The following DIAPH2 variants were observed in gnomAD, a reference collection of about 807,000 sequenced individuals.
DIAPH2 encodes diaphanous related formin 2.
Under a neutral mutation model 92.7 loss-of-function variants are expected in DIAPH2, and 35 were observed. The observed-to-expected ratio is 0.38, with a 90% CI of 0.29 to 0.50. The LOEUF (loss-of-function observed/expected upper bound fraction) is 0.50, where lower values mean the gene tolerates loss of function less well. Ranked by LOEUF, DIAPH2 falls within the 20% of genes least tolerant of loss-of-function variation. DIAPH2 has a pLI of 0.94. For missense variants in DIAPH2, 701 were observed against 819.5 expected, an observed-to-expected ratio of 0.86 and a Z score of 1.77; for synonymous variants, 301 against 280.4, an observed-to-expected ratio of 1.07 and a Z score of -0.73.
intron 26 of DIAPH2, among the ~76,000 whole-genome samples, chrX:97,524,871 C>G (rs2147847464): frequency 8.9e-6 from 1 of 112,344 alleles, no homozygotes; most frequent in African/African-American, 3.2e-5. Context: ...CAAATCATTT[C>G]TAACTCCGTA....
chrX:97,360,022 C>T (rs2069309296), intron 24 of DIAPH2, among the ~76,000 whole-genome samples: 1 of 111,627 alleles, frequency 9.0e-6, no homozygotes, highest in African/African-American at 3.3e-5. Flanking sequence ...ACATAGTATT[C>T]CTGAAAAGCT....
At chrX:97,396,510 A>G (rs1238875884) in intron 25 of DIAPH2, among the ~76,000 whole-genome samples, 1 of 110,739 alleles carries the variant, frequency 9.0e-6, no homozygotes, top group African/African-American at 3.3e-5. Flanking sequence ...CGTCTCTACT[A>G]AAACTACAAA....
rs768381361 is a variant in DIAPH2, at chrX:96,749,953, G to T, written c.343-8201G>T. ...TCTGTGTGGCTTTTCCAGTAAAGTA[G>T]GTTTGAAAAGGAGTTACTTTCTTAC... On this transcript the variant is annotated intron_variant, in intron 3 of 26. Transcript: ENST00000324765. 3.6e-5 allele frequency among the ~76,000 whole-genome samples: 4 copies of T among 110,737 alleles called. No homozygotes were observed. In the South Asian group the frequency reaches 1.5e-3, roughly 42 times the overall value.
At chrX:96,894,686 T>C (rs1362178745) in intron 5 of DIAPH2, among the ~76,000 whole-genome samples, 2 of 111,732 alleles carry the variant, frequency 1.8e-5, no homozygotes, top group East Asian at 5.7e-4. Flanking sequence ...ATGTGCTTGA[T>C]GAGCAATGAT....
intron 17 of DIAPH2, among the ~76,000 whole-genome samples, chrX:97,063,751 G>C (rs1327173276): frequency 8.9e-6 from 1 of 112,044 alleles, no homozygotes; most frequent in Non-Finnish European, 1.9e-5. Flanking sequence ...TTGCAAAAGT[G>C]GAAGCAAGTA....
intron 1 of DIAPH2, among the ~76,000 whole-genome samples, chrX:96,698,895 ATTT>A (rs1305987976): frequency 2.0e-5 from 2 of 99,053 alleles, no homozygotes; most frequent in Non-Finnish European, 4.1e-5. Flanking sequence ...GCCCCACTAA[ATTT>A]TTTTTTTTTT....
In DIAPH2 at chrX:97,093,972, T is replaced by C. The variant is rs2066846863; in HGVS notation, c.2248-5722T>C. On this transcript the variant is annotated intron_variant, in intron 19 of 26. Transcript: ENST00000324765. ...GGTTGAACCTGAAAGAGATTTTTTT[T>C]AGGAAAAATTGTCAGAAGTGTGACT... 2.7e-5 allele frequency among the ~76,000 whole-genome samples: 3 copies of C among 112,045 alleles called. No individual in the cohort carries two copies. The Admixed American group carries it at 2.8e-4, about 11-fold the overall frequency.
intron 4 of DIAPH2, among the ~76,000 whole-genome samples, chrX:96,831,783 G>T (rs1569408053): frequency 1.8e-5 from 2 of 111,861 alleles, no homozygotes; most frequent in Non-Finnish European, 3.8e-5. Context: ...AAACAACAGA[G>T]ACTCATTTCT....
At chrX:97,255,287 A>T (rs2068227953) in intron 23 of DIAPH2, among the ~76,000 whole-genome samples, 1 of 111,765 alleles carries the variant, frequency 8.9e-6, no homozygotes, top group South Asian at 3.7e-4. Flanking sequence ...AAGGATTGTA[A>T]ACTGATTTAA....
At chrX:97,153,165 A>G (rs1459793185) in intron 22 of DIAPH2, among the ~76,000 whole-genome samples, 1 of 112,136 alleles carries the variant, frequency 8.9e-6, no homozygotes, top group Non-Finnish European at 1.9e-5. Context: ...GTAAAATTAG[A>G]TATGCAATAT....
At chrX:97,161,067 T>TC (rs2067368301) in intron 22 of DIAPH2, among the ~76,000 whole-genome samples, 1 of 104,017 alleles carries the variant, frequency 9.6e-6, no homozygotes, top group Admixed American at 1.0e-4. Flanking sequence ...TTTTTTTTTT[T>TC]CCTCCCTAGG....
intron 4 of DIAPH2, among the ~76,000 whole-genome samples, chrX:96,796,432 G>A (rs1238253181): frequency 1.8e-5 from 2 of 111,706 alleles, no homozygotes; most frequent in African/African-American, 6.5e-5. Flanking sequence ...CACCTGCCTG[G>A]GCCTCCCAAA....
At chrX:96,974,592 T>A (rs12398923) in intron 17 of DIAPH2, among the ~76,000 whole-genome samples, 1 of 111,983 alleles carries the variant, frequency 8.9e-6, no homozygotes, top group East Asian at 2.8e-4. Flanking sequence ...AAATACTCTC[T>A]GAATTCATGA....
At chrX:96,798,670 T>C (rs2147646271) in intron 4 of DIAPH2, among the ~76,000 whole-genome samples, 1 of 112,006 alleles carries the variant, frequency 8.9e-6, no homozygotes, top group East Asian at 2.8e-4. Flanking sequence ...TGCGACATTG[T>C]TGAATGTTGG....
rs775949055 is a variant in DIAPH2 at position 97,033,601 on chromosome X, A to G, written c.2051-39340A>G. On this transcript the variant is annotated intron_variant, in intron 17 of 26. Coordinates refer to ENST00000324765, the MANE Select transcript of DIAPH2 (RefSeq NM_006729.5). ...AATGTCTAAATAGTATAACAACATA[A>G]GTAAACACTTTCTTTAAAGATGTTT... Among the ~76,000 whole-genome samples, 20 of 112,284 alleles carry G rather than the reference A, an allele frequency of 1.8e-4. No homozygotes were observed. The East Asian group carries it at 5.6e-3, about 31-fold the overall frequency.
At chrX:96,824,424 C>T (rs2064799347) in intron 4 of DIAPH2, among the ~76,000 whole-genome samples, 2 of 109,935 alleles carry the variant, frequency 1.8e-5, no homozygotes, top group East Asian at 2.8e-4. Flanking sequence ...TACATCTTCC[C>T]GTCTGCTCTT....
At chrX:97,560,307 G>A (rs1047837752) in intron 26 of DIAPH2, among the ~76,000 whole-genome samples, 1 of 111,676 alleles carries the variant, frequency 9.0e-6, no homozygotes, top group Non-Finnish European at 1.9e-5. Context: ...CGCCATGTTA[G>A]GTATTAAGAA....
intron 22 of DIAPH2, among the ~76,000 whole-genome samples, chrX:97,152,226 C>T (rs566658134): frequency 5.4e-5 from 6 of 111,962 alleles, no homozygotes; most frequent in African/African-American, 9.7e-5. Flanking sequence ...ACTTTTTACA[C>T]GTTTTGAGTG....
At chrX:97,192,343 A>G (rs1440497487) in intron 22 of DIAPH2, among the ~76,000 whole-genome samples, 2 of 110,530 alleles carry the variant, frequency 1.8e-5, no homozygotes, top group Non-Finnish European at 1.9e-5. Flanking sequence ...CTTTTTCAAA[A>G]GTAGAAGTTC....
Sources: gnomAD v4.1 joint callset for allele counts (sites outside exome capture counted in the v4.1 genomes callset) on GRCh38, gnomAD v4.1.1 for gene constraint, MANE v1.5 for transcripts, NCBI Gene and HGNC (gene_info 2026-07-23, HGNC 2026-07-21) for gene names.